The following NFATC4 variants were observed in gnomAD, a reference collection of about 807,000 sequenced individuals.
The protein encoded by NFATC4 is nuclear factor of activated T-cells, cytoplasmic 4.
In NFATC4, 25 loss-of-function variants were observed where a neutral mutation model predicts 73.4. That is an observed-to-expected ratio of 0.34 (90% CI 0.25 to 0.48). NFATC4 has a LOEUF of 0.48. Ranked by LOEUF, NFATC4 falls within the 20% of genes least tolerant of loss-of-function variation. The pLI is 0.99. For synonymous variants in NFATC4, 523 were observed against 510.3 expected, an observed-to-expected ratio of 1.02 and a Z score of -0.34; for missense variants, 1,130 against 1,203.7, an observed-to-expected ratio of 0.94 and a Z score of 0.91.
At chr14:24,372,302 A>G in intron 2 of NFATC4, 139 bp from the exon 3 acceptor site, 1 of 878,560 alleles carries the variant, frequency 1.1e-6, no homozygotes, top group Non-Finnish European at 1.7e-6. Context: ...CCTTCTTTTC[A>G]CAAGTGTTAA....
Position 24,378,542 on chromosome 14 carries a change from C to G in NFATC4, c.*837C>G, listed in dbSNP as rs1221751171. On this transcript the variant is annotated 3_prime_UTR_variant, in exon 10 of 10. Coordinates refer to ENST00000250373, the MANE Select transcript of NFATC4 (RefSeq NM_004554.5). The stretch of plus-strand genomic sequence containing the variant: ...TGTCCCCAGCCCCCATTCAGACACG[C>G]TGACTCAGGAGGTCCAGGCCTCTAA... 6.5e-6 allele frequency: 1 copy of G among 152,914 alleles called. No individual in the cohort carries two copies. Among genetic ancestry groups the G allele is most frequent in the East Asian group, 1.9e-4 (1 of 5,204 alleles). 9.5% of individuals were successfully genotyped at this position (152,914 alleles called of 1,614,324 possible).
Position 24,373,497 on chromosome 14 carries a change from C to A in NFATC4, c.1559+127C>A. 1 of 1,372,186 alleles carries A rather than the reference C, an allele frequency of 7.3e-7. No individual in the cohort carries two copies. The highest frequency in any genetic ancestry group is 1.0e-6 in the Non-Finnish European group (1 of 1,002,178). 85.0% of individuals were successfully genotyped at this position (1,372,186 alleles called of 1,614,324 possible). A position where few individuals can be genotyped will look rare whatever the true frequency, so the allele number is the denominator to read the frequency against. On this transcript the variant is annotated intron_variant, in intron 4 of 9. Transcript: ENST00000250373. The surrounding 1 kb of genome is among the most constrained non-coding windows in gnomAD (Gnocchi z 4.7). The stretch of plus-strand genomic sequence containing the variant: ...ATTTTTCCTAGGAGCTGGCTTCAGG[C>A]CTACCCACCATCTGGAAGAGGACTT...
intron 5 of NFATC4, 173 bp downstream of exon 5, chr14:24,374,040 T>G: frequency 1.9e-6 from 2 of 1,061,444 alleles, no homozygotes; most frequent in Non-Finnish European, 2.8e-6. Flanking sequence ...AGACTCTGTC[T>G]CTGGGGTGGC....
Position 24,373,685 on chromosome 14 carries a change from T to C in NFATC4, c.1560-10T>C, listed in dbSNP as rs368810099. 6.3e-7 allele frequency: 1 copy of C among 1,595,824 alleles called. No homozygotes were observed. Among genetic ancestry groups the C allele is most frequent in the Non-Finnish European group, 8.6e-7 (1 of 1,168,902 alleles). On this transcript the variant is annotated splice_polypyrimidine_tract_variant and intron_variant, in intron 4 of 9. Transcript: ENST00000250373. This position sits in a 1 kb window ranked among gnomAD's most constrained non-coding sequence, Gnocchi z 4.7. ...GCTAGGAGGGCTTGCCATCCATCCT[T>C]TGCCTCCAGCATTGACTGCGCGGGA...
At chr14:24,367,500 A>G (rs901614957), upstream of NFATC4, 11 of 1,535,362 alleles carry the variant, frequency 7.2e-6, no homozygotes, top group Non-Finnish European at 9.6e-6. Flanking sequence ...GGGCCTAGGG[A>G]CAGTTCTCAA....
intron 6 of NFATC4, among the ~76,000 whole-genome samples, chr14:24,374,884 A>G (rs967648105): frequency 1.3e-5 from 2 of 152,044 alleles, no homozygotes; most frequent in African/African-American, 4.8e-5. Flanking sequence ...GGGAAGACTG[A>G]GGGTTTGAGT....
rs760158882 is a variant in NFATC4 at position 24,376,387 on chromosome 14, C to A, written c.2150C>A (p.Pro717Gln). 2 of 1,613,088 alleles carry A rather than the reference C, an allele frequency of 1.2e-6. No individual in the cohort carries two copies. Among genetic ancestry groups the A allele is most frequent in the Admixed American group, 3.3e-5 (2 of 59,888 alleles). Residue 717 changes from proline to glutamine, a missense_variant, in exon 9 of 10, where the codon CCA becomes CAA. This residue lies in a region of NFATC4 where 390 missense variants were observed against 408.1 expected (regional missense o/e 0.96). Transcript: ENST00000250373. The surrounding 1 kb of genome is among the most constrained non-coding windows in gnomAD (Gnocchi z 5.0). ...TPFGTDMDFS[P>Q]PRPPYPSYPH... is the part of the protein sequence containing the mutation. ...TTTGGCACTGACATGGACTTCTCAC[C>A]ACCCAGGCCCCCCTACCCCTCCTAT... is the stretch of plus-strand genomic sequence containing the variant.
At chr14:24,369,004 G>A in intron 1 of NFATC4, 1 of 1,139,176 alleles carries the variant, frequency 8.8e-7, no homozygotes, top group East Asian at 5.6e-5. Context: ...CTGCACCTCC[G>A]CCCCTAGATG....
upstream of NFATC4, chr14:24,367,143 A>C: frequency 1.2e-6 from 2 of 1,613,096 alleles, no homozygotes; most frequent in Non-Finnish European, 1.7e-6. Flanking sequence ...TCCCTCTCAC[A>C]CAACCCAGGC....
In NFATC4 at chr14:24,369,068, C is replaced by T. The variant is rs915426999; in HGVS notation, c.101-431C>T. 23 of 1,408,966 alleles carry T rather than the reference C, an allele frequency of 1.6e-5. No individual in the cohort carries two copies. In the Middle Eastern group the frequency reaches 1.1e-3, roughly 65 times the overall value. 87.3% of individuals were successfully genotyped at this position (1,408,966 alleles called of 1,614,324 possible). On this transcript the variant is annotated intron_variant, in intron 1 of 9. Transcript: ENST00000250373. ...CTCGTCACCACAGCCCTGACGCCCC[C>T]CTCCCCTCTGGCCACGGTTGCGATG...
intron 3 of NFATC4, chr14:24,372,953 C>T (rs1018995089): frequency 2.0e-5 from 12 of 612,956 alleles, no homozygotes; most frequent in Non-Finnish European, 2.8e-5. Context: ...GCTCTTCTGC[C>T]TTTGCCCAGC....
rs2042610120 is a variant in NFATC4 at position 24,376,215 on chromosome 14, A to C, written c.2057-79A>C. ...CAAGGGGTGAATGGAACCTGGGAGG[A>C]GCAGGCAGCTGGAAGGTGTGCAGTG... On this transcript the variant is annotated intron_variant, in intron 8 of 9. Coordinates refer to ENST00000250373, the MANE Select transcript of NFATC4 (RefSeq NM_004554.5). The surrounding 1 kb of genome is among the most constrained non-coding windows in gnomAD (Gnocchi z 5.0). 4 of 1,573,170 alleles carry C rather than the reference A, an allele frequency of 2.5e-6. No homozygotes were observed. In the South Asian group the frequency reaches 3.6e-5, roughly 14 times the overall value.
In NFATC4 at chr14:24,369,696, G is replaced by A. The variant is rs2042413124; in HGVS notation, c.298G>A (p.Gly100Arg). 1.2e-6 allele frequency: 2 copies of A among 1,603,138 alleles called. No homozygotes were observed. Among genetic ancestry groups the A allele is most frequent in the Middle Eastern group, 1.7e-4 (1 of 5,994 alleles). ...ARSVRLGGPG[G>R]GAGGAGGGRV... is the part of the protein sequence containing the mutation. Reference sequence around the variant, plus strand: ...GTCGGTGAGGCTGGGAGGACCAGGAGGGGGTGCTGGGGGTGCTGGGGGTGG... The same window carrying A: ...GTCGGTGAGGCTGGGAGGACCAGGAAGGGGTGCTGGGGGTGCTGGGGGTGG... Residue 100 changes from glycine to arginine, a missense_variant, in exon 2 of 10, where the codon GGG (glycine) becomes AGG (arginine). By Grantham distance (125) the Gly-to-Arg change is moderately radical. Coordinates refer to ENST00000250373, the MANE Select transcript of NFATC4 (RefSeq NM_004554.5).
chr14:24,367,029 T>C, upstream of NFATC4: 2 of 1,612,710 alleles, frequency 1.2e-6, no homozygotes, highest in South Asian at 2.2e-5. Flanking sequence ...CTAAGAGAGG[T>C]TGAAACTGTG....
At chr14:24,375,757 G>GGGGGC in intron 7 of NFATC4, 42 bp downstream of exon 7, 4 of 566,428 alleles carry the variant, frequency 7.1e-6, no homozygotes, top group Non-Finnish European at 1.3e-5. Context: ...GCGGGGGTGG[G>GGGGGC]AGAAGGCAGG....
At chr14:24,368,483 A>T in intron 1 of NFATC4, 43 bp downstream of exon 1, 5 of 1,189,552 alleles carry the variant, frequency 4.2e-6, no homozygotes, top group Non-Finnish European at 5.2e-6. Flanking sequence ...CAGTGAGAGG[A>T]GGGCCGGGGA....
chr14:24,375,869 A>G (rs959519834), intron 7 of NFATC4, 106 bp from the exon 8 acceptor site: 3 of 1,565,866 alleles, frequency 1.9e-6, no homozygotes, highest in Non-Finnish European at 2.6e-6. Flanking sequence ...TGAACTTTGC[A>G]TCTTAGAAAA....
At chr14:24,374,537 T>C in intron 6 of NFATC4, 71 bp downstream of exon 6, 2 of 1,495,154 alleles carry the variant, frequency 1.3e-6, no homozygotes, top group Non-Finnish European at 1.8e-6. Context: ...ATCTCTGGCA[T>C]TGTCACTAAA....
rs772343312 is a variant in NFATC4 at position 24,373,744 on chromosome 14, C to T, written c.1609C>T (p.Arg537Trp). The T allele has an allele frequency of 3.1e-6, 5 of 1,613,634 alleles. No individual in the cohort carries two copies. The highest frequency in any genetic ancestry group is 1.1e-5 in the South Asian group (1 of 91,064). Residue 537 changes from arginine to tryptophan, a missense_variant, in exon 5 of 10, where the codon CGG becomes TGG. By Grantham distance (101) the Arg-to-Trp change is moderately radical. Around this residue, in one of 3 missense-constraint regions of NFATC4, gnomAD observed 155 missense variants for 221.2 expected, o/e 0.70. Coordinates refer to ENST00000250373, the MANE Select transcript of NFATC4 (RefSeq NM_004554.5). This position sits in a 1 kb window ranked among gnomAD's most constrained non-coding sequence, Gnocchi z 4.7. ...GCTTCGGAATTCAGACATTGAGCTT[C>T]GGAAGGGTGAGACGGACATCGGGCG... The part of the protein sequence containing the change: ...LKLRNSDIEL[R>W]KGETDIGRKN...
Sources: allele counts gnomAD v4.1 joint callset (sites outside exome capture counted in the v4.1 genomes callset), GRCh38; gene constraint gnomAD v4.1.1; regional missense constraint gnomAD v4.1.1; non-coding constraint Gnocchi (gnomAD v3.1); transcripts MANE v1.5; gene names NCBI Gene and HGNC (gene_info 2026-07-23, HGNC 2026-07-21).